PARD3B: variants seen among roughly 807,000 people sequenced by gnomAD.
PARD3B encodes partitioning defective 3 homolog B.
A neutral mutation model predicts 130.2 loss-of-function variants in PARD3B; 103 were observed. The ratio of observed to expected loss-of-function variants is 0.79; its 90% confidence interval spans 0.67 to 0.93. The LOEUF (loss-of-function observed/expected upper bound fraction) is 0.93, where lower values mean the gene tolerates loss of function less well. PARD3B is among the 40% of genes least tolerant of loss of function. The probability of loss-of-function intolerance (pLI) is 0.00; values close to 1 mark genes in which losing one functional copy is unlikely to be tolerated. For synonymous variants in PARD3B, 583 were observed against 553.2 expected, an observed-to-expected ratio of 1.05 and a Z score of -0.76; for missense variants, 1,609 against 1,499.2, an observed-to-expected ratio of 1.07 and a Z score of -1.21.
In PARD3B at chr2:205,568,857, A is replaced by G. The variant is rs113781607; in HGVS notation, c.3260+15454A>G. Among the ~76,000 whole-genome samples the G allele has an allele frequency of 5.3e-3, 812 of 152,322 alleles. 3 individuals carry two copies. The highest frequency in any genetic ancestry group is 9.5e-3 in the South Asian group (46 of 4,820). The stretch of plus-strand genomic sequence containing the variant: ...AACTGGATCAGTCACATCCAGTTCA[A>G]TTAAGATGCTTAGGCTCACCTTCTT... On this transcript the variant is annotated intron_variant, in intron 22 of 22. Transcript: ENST00000406610. The surrounding 1 kb of genome is among the most constrained non-coding windows in gnomAD (Gnocchi z 5.3).
chr2:205,597,319 C>A (rs1055498415), intron 22 of PARD3B, among the ~76,000 whole-genome samples: 1 of 152,138 alleles, frequency 6.6e-6, no homozygotes, highest in African/African-American at 2.4e-5. Context: ...GGGCACTGGC[C>A]TCTGGCTGCA....
rs376584735 is a variant in PARD3B, at chr2:205,449,710, A to G, written c.3044+9038A>G. On this transcript the variant is annotated intron_variant, in intron 20 of 22. Coordinates refer to ENST00000406610, the MANE Select transcript of PARD3B (RefSeq NM_001302769.2). ...CAGCTGTAAAATTGAAGTGGCAGAC[A>G]GCGCACAGCTCCTGAATGCTCCAGT... Among the ~76,000 whole-genome samples the G allele has an allele frequency of 4.5e-4, 68 of 152,336 alleles. 1 individual carries two copies. In the East Asian group the frequency reaches 7.9e-3, roughly 18 times the overall value.
rs1274202488 is a variant in PARD3B at position 205,617,360 on chromosome 2, T to G, written c.*1547T>G. 6.6e-6 allele frequency: 1 copy of G among 152,158 alleles called. No homozygotes were observed. The highest frequency in any genetic ancestry group is 1.5e-5 in the Non-Finnish European group (1 of 68,034). 9.4% of individuals were successfully genotyped at this position (152,158 alleles called of 1,614,324 possible). On this transcript the variant is annotated 3_prime_UTR_variant, in exon 23 of 23. Transcript: ENST00000406610. ...TTATTCCCTCCAAAAAAAAAAGTCT[T>G]GAGTTTAATTTAGGTCTATTTTGGC...
chr2:204,894,789 T>G (rs1250676654), intron 2 of PARD3B, among the ~76,000 whole-genome samples: 1 of 152,056 alleles, frequency 6.6e-6, no homozygotes, highest in Non-Finnish European at 1.5e-5. Context: ...TTTCAAAGTT[T>G]TAAAATATAT....
At chr2:205,444,768 G>A (rs1160862941) in intron 20 of PARD3B, among the ~76,000 whole-genome samples, 1 of 152,184 alleles carries the variant, frequency 6.6e-6, no homozygotes, top group Non-Finnish European at 1.5e-5. Flanking sequence ...GAGAGTATAA[G>A]AAGCAGCCCA....
intron 22 of PARD3B, among the ~76,000 whole-genome samples, chr2:205,559,153 A>G (rs1203713703): frequency 6.6e-6 from 1 of 152,114 alleles, no homozygotes; most frequent in East Asian, 1.9e-4. Flanking sequence ...TCCTGCACCC[A>G]AGTGTTGCTG....
intron 2 of PARD3B, among the ~76,000 whole-genome samples, chr2:204,955,912 G>A (rs1445388288): frequency 6.6e-6 from 1 of 152,152 alleles, no homozygotes; most frequent in South Asian, 2.1e-4. Flanking sequence ...GGAGGGCCTG[G>A]TGCAGATAAT....
At position 205,146,366 on chromosome 2, in the gene PARD3B, C is replaced by G. The variant is rs2033358109; in HGVS notation, c.1435-12356C>G. 6.6e-6 allele frequency among the ~76,000 whole-genome samples: 1 copy of G among 152,096 alleles called. No homozygotes were observed. Among genetic ancestry groups the G allele is most frequent in the Non-Finnish European group, 1.5e-5 (1 of 68,020 alleles). On this transcript the variant is annotated intron_variant, in intron 10 of 22. Coordinates refer to ENST00000406610, the MANE Select transcript of PARD3B (RefSeq NM_001302769.2). This position sits in a 1 kb window ranked among gnomAD's most constrained non-coding sequence, Gnocchi z 4.3. ...TTTTAAGGTTATTAAATTGTTACAT[C>G]AGGCTGGGTGCGGTGGCTCACCCCT...
chr2:204,657,990 T>A (rs2035692632), intron 1 of PARD3B, among the ~76,000 whole-genome samples: 1 of 152,188 alleles, frequency 6.6e-6, no homozygotes, highest in Non-Finnish European at 1.5e-5. Context: ...TGCAAAGCCC[T>A]GTGCTAGAAG....
intron 2 of PARD3B, among the ~76,000 whole-genome samples, chr2:204,934,985 C>A (rs1688303372): frequency 6.6e-6 from 1 of 152,038 alleles, no homozygotes; most frequent in African/African-American, 2.4e-5. Flanking sequence ...ACTGATAGAT[C>A]TTATTATTTC....
chr2:204,546,193 C>T (rs2125036618), intron 1 of PARD3B, 74 bp downstream of exon 1: 1 of 1,537,246 alleles, frequency 6.5e-7, no homozygotes, highest in Non-Finnish European at 8.8e-7. Context: ...TGGCGACACT[C>T]AGGGGATGCA....
rs1176535243 is a variant in PARD3B, at chr2:205,493,742, A to G, written c.3045-6154A>G. ...TATGTATGTATTTATTTATTTATTT[A>G]TTTATTTATTTATTTATTTATTTAT... On this transcript the variant is annotated intron_variant, in intron 20 of 22. Transcript: ENST00000406610. Among the ~76,000 whole-genome samples the G allele has an allele frequency of 2.8e-5, 4 of 145,044 alleles. No individual in the cohort carries two copies. In the East Asian group the frequency reaches 7.9e-4, roughly 29 times the overall value.
At chr2:205,061,588 G>A (rs1700067728) in intron 4 of PARD3B, among the ~76,000 whole-genome samples, 2 of 152,086 alleles carry the variant, frequency 1.3e-5, no homozygotes, top group South Asian at 4.1e-4. Context: ...GCCATGCATG[G>A]TTGGATAGAA....
intron 2 of PARD3B, among the ~76,000 whole-genome samples, chr2:204,868,940 G>C (rs568182199): frequency 2.6e-5 from 4 of 152,092 alleles, no homozygotes; most frequent in Admixed American, 2.6e-4. Flanking sequence ...CAGGGAATCA[G>C]GTGTTATACT....
intron 15 of PARD3B, among the ~76,000 whole-genome samples, chr2:205,199,009 A>T (rs2036845000): frequency 6.6e-6 from 1 of 152,164 alleles, no homozygotes; most frequent in Non-Finnish European, 1.5e-5. Flanking sequence ...AAGAAAAATT[A>T]ATGGTAATAT....
At chr2:204,546,289 T>A in intron 1 of PARD3B, 170 bp downstream of exon 1, 2 of 979,314 alleles carry the variant, frequency 2.0e-6, no homozygotes, top group Non-Finnish European at 3.0e-6. Context: ...CTTTGGGTGT[T>A]TGTGGGCCTT....
intron 18 of PARD3B, among the ~76,000 whole-genome samples, chr2:205,387,807 G>A (rs375772693): frequency 3.3e-5 from 5 of 152,160 alleles, no homozygotes; most frequent in Middle Eastern, 3.2e-3. Flanking sequence ...CAGATGCTCT[G>A]GGTAATGGTT....
rs368242036 is a variant in PARD3B, at chr2:204,678,074, G to A, written c.121-8107G>A. On this transcript the variant is annotated intron_variant, in intron 1 of 22. Transcript: ENST00000406610. This position sits in a 1 kb window ranked among gnomAD's most constrained non-coding sequence, Gnocchi z 4.2. ...ATCACACGTGCAGAAAAGTACACAA[G>A]TTAAGTATAGCTGGTGAGACAGGAG... is the stretch of plus-strand genomic sequence containing the variant. Among the ~76,000 whole-genome samples the A allele has an allele frequency of 1.1e-4, 16 of 152,326 alleles. No homozygotes were observed. In the South Asian group the frequency reaches 3.3e-3, roughly 32 times the overall value.
chr2:205,379,635 A>T (rs1337803855), intron 18 of PARD3B, among the ~76,000 whole-genome samples: 1 of 152,156 alleles, frequency 6.6e-6, no homozygotes, highest in Non-Finnish European at 1.5e-5. Flanking sequence ...AATTAGCAAA[A>T]TTGGCTAATT....
Sources: allele counts gnomAD v4.1 joint callset (sites outside exome capture counted in the v4.1 genomes callset), GRCh38; gene constraint gnomAD v4.1.1; non-coding constraint Gnocchi (gnomAD v3.1); transcripts MANE v1.5; gene names NCBI Gene and HGNC (gene_info 2026-07-23, HGNC 2026-07-21).